SIGLEC1: variants seen among roughly 807,000 people sequenced by gnomAD.
The protein encoded by SIGLEC1 is sialoadhesin.
A neutral mutation model predicts 148.0 loss-of-function variants in SIGLEC1; 132 were observed. The ratio of observed to expected loss-of-function variants is 0.89; its 90% CI spans 0.77 to 1.03. The LOEUF (loss-of-function observed/expected upper bound fraction) is 1.03. Among genes scored for constraint, SIGLEC1 ranks in the 50% least tolerant of loss-of-function variants. The pLI, the probability that SIGLEC1 is intolerant of heterozygous loss-of-function variation, is 0.00. For missense variants in SIGLEC1, 2,253 were observed against 2,271.4 expected, an observed-to-expected ratio of 0.99 and a Z score of 0.16; for synonymous variants, 945 against 969.0, an observed-to-expected ratio of 0.98 and a Z score of 0.46.
rs750456237 is a variant in SIGLEC1, at chr20:3,697,128, CTCAG to C, written c.2333_2336del (p.Thr778ArgfsTer12). ...CGGGAGTGGAGAGCTGGGCACCAGCCTCAGTCAGGATGCGGCAGGCGTAAAGGGC... is the reference window on the plus strand; with the variant it reads ...CGGGAGTGGAGAGCTGGGCACCAGCCTCAGGATGCGGCAGGCGTAAAGGGC... On this transcript the variant is annotated frameshift_variant, in exon 10 of 22. Transcript: ENST00000344754. LOFTEE classifies it high-confidence loss of function. The C allele has an allele frequency of 4.0e-5, 64 of 1,613,540 alleles. No individual in the cohort carries two copies. Among genetic ancestry groups the C allele is most frequent in the Non-Finnish European group, 5.3e-5 (62 of 1,180,028 alleles).
chr20:3,697,917 GC>G lies in SIGLEC1; in HGVS notation c.2002del (p.Ala668ProfsTer60). The G allele has an allele frequency of 6.2e-7, 1 of 1,613,048 alleles. No individual in the cohort carries two copies. On this transcript the variant is annotated frameshift_variant, in exon 9 of 22. Transcript: ENST00000344754. LOFTEE classifies it high-confidence loss of function. Reference sequence around the variant, plus strand: ...AATCTCCACACGCAGCAAGTTGGGGGCTTTGGTGACCTTCATGCGTGGGGAA... The same window carrying G: ...AATCTCCACACGCAGCAAGTTGGGGGTTTGGTGACCTTCATGCGTGGGGAA... ...GCSPRMKVTK[A>X]PNLLRVEIHN...
intron 8 of SIGLEC1, 90 bp from the exon 9 acceptor site, chr20:3,698,223 G>T: frequency 8.4e-7 from 1 of 1,189,678 alleles, no homozygotes; most frequent in Non-Finnish European, 1.2e-6. Context: ...CTGGACAAAG[G>T]CAGATCCCGA....
chr20:3,694,104 T>A, intron 13 of SIGLEC1, 117 bp downstream of exon 13: 2 of 1,125,672 alleles, frequency 1.8e-6, no homozygotes, highest in Non-Finnish European at 2.5e-6. Flanking sequence ...TTAGGAAGGG[T>A]GGGAATGGGG....
chr20:3,698,011 G>C lies in SIGLEC1; in HGVS notation c.1909C>G (p.Leu637Val). ...DSDPPARLQL[L>V]HKDRVVATSL... is the part of the protein sequence containing the mutation. ...GTGGCCACAACACGGTCCTTGTGGA[G>C]CAGCTGCAGCCTGGCGGGGGGGTCG... Residue 637 changes from leucine (L) to valine (V), a missense_variant, in exon 9 of 22, where the codon CTC becomes GTC. By Grantham distance (32) the Leu-to-Val change is conservative. Transcript: ENST00000344754. The C allele has an allele frequency of 6.2e-7, 1 of 1,610,534 alleles. No homozygotes were observed. Among genetic ancestry groups the C allele is most frequent in the African/African-American group, 1.3e-5 (1 of 74,958 alleles).
At position 3,707,197 on chromosome 20, in the gene SIGLEC1, G is replaced by A; in HGVS notation, c.-69C>T. The stretch of plus-strand genomic sequence containing the variant: ...CACTGCGCTGGCTGGGCTCACAGGG[G>A]CCTCCAGGGACACCTCTGGGCACTT... On this transcript the variant is annotated 5_prime_UTR_variant, in exon 2 of 22. Transcript: ENST00000344754. 1.4e-6 allele frequency: 2 copies of A among 1,455,454 alleles called. No individual in the cohort carries two copies. The highest frequency in any genetic ancestry group is 2.3e-5 in the East Asian group (1 of 43,532). 90.2% of individuals were successfully genotyped at this position (1,455,454 alleles called of 1,614,324 possible). A position where few individuals can be genotyped will look rare whatever the true frequency, so the allele number is the denominator to read the frequency against.
intron 6 of SIGLEC1, 27 bp from the exon 7 acceptor site, chr20:3,701,668 T>C: frequency 6.5e-7 from 1 of 1,528,814 alleles, no homozygotes; most frequent in Non-Finnish European, 8.8e-7. Context: ...GGTGGGCCTG[T>C]CACCCTCAGA....
At chr20:3,691,188 G>A in intron 18 of SIGLEC1, 152 bp downstream of exon 18, 2 of 884,338 alleles carry the variant, frequency 2.3e-6, no homozygotes, top group Non-Finnish European at 3.5e-6. Context: ...ATTTTACAAG[G>A]TCACCCAACC....
chr20:3,706,527 TG>T lies in SIGLEC1; in HGVS notation c.228del (p.Lys77SerfsTer26), dbSNP rs1178469440. 3 of 1,613,020 alleles carry T rather than the reference TG, an allele frequency of 1.9e-6. No individual in the cohort carries two copies. The Admixed American group carries it at 5.0e-5, about 27-fold the overall frequency. On this transcript the variant is annotated frameshift_variant, in exon 3 of 22. Coordinates refer to ENST00000344754, the MANE Select transcript of SIGLEC1 (RefSeq NM_023068.4). LOFTEE classifies it high-confidence loss of function. ...CCGCGGAAGCGGGCCTCCACCAGCT[TG>T]GGGTCCGCCGAGTGGCTCACCACCT... The part of the protein sequence containing the change: ...QRQVVSHSAD[P>X]KLVEARFRGR...
rs1461241465 is a variant in SIGLEC1 at position 3,687,434 on chromosome 20, G to C, written c.*1126C>G. On this transcript the variant is annotated 3_prime_UTR_variant, in exon 22 of 22. Transcript: ENST00000344754. ...CTGTGTCTGCCCTCCACTCTTGTAA[G>C]GGCCAGTAAGGTAGTACCCAGTCCC... 2 of 152,256 alleles carry C rather than the reference G, an allele frequency of 1.3e-5. No individual in the cohort carries two copies. The highest frequency in any genetic ancestry group is 3.9e-4 in the East Asian group (2 of 5,194). 9.4% of individuals were successfully genotyped at this position (152,256 alleles called of 1,614,324 possible).
chr20:3,694,185 A>G (rs760623206), intron 13 of SIGLEC1, 36 bp downstream of exon 13: 6 of 1,449,028 alleles, frequency 4.1e-6, no homozygotes, highest in Non-Finnish European at 5.5e-6. Context: ...ACACACACAC[A>G]CACACACACA....
rs148857283 is a variant in SIGLEC1 at position 3,690,173 on chromosome 20, G to T, written c.4683C>A (p.Leu1561=). 4 of 1,580,356 alleles carry T rather than the reference G, an allele frequency of 2.5e-6. No homozygotes were observed. Among genetic ancestry groups the T allele is most frequent in the Non-Finnish European group, 3.4e-6 (4 of 1,164,150 alleles). The part of the protein sequence containing the change: ...ILDCRVDSEP[L]ASLTLHLGSR... The stretch of plus-strand genomic sequence containing the variant: ...TGCCAAGGTGGAGAGTCAGGCTGGC[G>T]AGCGGCTCGCTGTCCACTCGGCAAT... The change falls in exon 19 of 22, where the codon CTC becomes CTA. Residue 1561 remains leucine (L), a synonymous_variant. Coordinates refer to ENST00000344754, the MANE Select transcript of SIGLEC1 (RefSeq NM_023068.4).
Position 3,693,572 on chromosome 20 carries a change from C to A in SIGLEC1, c.3383G>T (p.Arg1128Leu), listed in dbSNP as rs149852645. ...TYTWYQDGQQ[R>L]LDAHSIPLPN... is the part of the protein sequence containing the mutation. Reference sequence around the variant, plus strand: ...CAGGGGGATGGAGTGGGCATCCAGGCGCTGCTGCCCATCCTGGTACCATGT... The same window carrying A: ...CAGGGGGATGGAGTGGGCATCCAGGAGCTGCTGCCCATCCTGGTACCATGT... Residue 1128 changes from arginine to leucine, a missense_variant, in exon 14 of 22, where the codon CGC becomes CTC. Arg to Leu is a moderately radical substitution (Grantham distance 102, BLOSUM62 -2). Transcript: ENST00000344754. 6.2e-7 allele frequency: 1 copy of A among 1,612,592 alleles called. No homozygotes were observed. The highest frequency in any genetic ancestry group is 8.5e-7 in the Non-Finnish European group (1 of 1,179,486).
At chr20:3,708,955 G>A (rs1438565961) in intron 1 of SIGLEC1, among the ~76,000 whole-genome samples, 1 of 143,230 alleles carries the variant, frequency 7.0e-6, no homozygotes, top group Non-Finnish European at 1.5e-5. Context: ...TGAGGCAGGA[G>A]AATCACCTGA....
At chr20:3,696,535 T>C in intron 11 of SIGLEC1, 51 bp downstream of exon 11, 1 of 1,514,410 alleles carries the variant, frequency 6.6e-7, no homozygotes, top group East Asian at 2.3e-5. Flanking sequence ...CTGACCAGAG[T>C]AGTCCCCAGG....
chr20:3,692,885 G>A lies in SIGLEC1; in HGVS notation c.3755C>T (p.Thr1252Met), dbSNP rs746684575. Residue 1252 changes from threonine to methionine, a missense_variant, in exon 15 of 22, where the codon ACG becomes ATG. Physicochemically the swap from Thr to Met is moderately conservative, Grantham distance 81 (BLOSUM62 -1). Coordinates refer to ENST00000344754, the MANE Select transcript of SIGLEC1 (RefSeq NM_023068.4). ...ACCCTCCAGCCGCAGCTCCAGGGAC[G>A]TGTTGGCCTGGCCCAGAGGGCTGCG... Reference protein sequence around the residue: ...SARSPLGQANTSLELRLEGVR... With the variant: ...SARSPLGQANMSLELRLEGVR... 2.0e-5 allele frequency: 33 copies of A among 1,611,080 alleles called. No homozygotes were observed. The highest frequency in any genetic ancestry group is 1.6e-4 in the Middle Eastern group (1 of 6,082).
Position 3,705,769 on chromosome 20 carries a change from C to A in SIGLEC1, c.681G>T (p.Gln227His). The change falls in exon 4 of 22, where the codon CAG (glutamine) becomes CAT (histidine). Residue 227 changes from glutamine to histidine, a missense_variant. Transcript: ENST00000344754. ...ACTTCACTTGGAGGTGAATCTCGCT[C>A]TGAGCCCTGTGATTGGCCACGGAGA... Reference protein sequence around the residue: ...CQLSVANHRAQSEIHLQVKYA... With the variant: ...CQLSVANHRAHSEIHLQVKYA... 6.2e-7 allele frequency: 1 copy of A among 1,612,264 alleles called. No homozygotes were observed. The highest frequency in any genetic ancestry group is 1.1e-5 in the South Asian group (1 of 90,964).
intron 11 of SIGLEC1, among the ~76,000 whole-genome samples, chr20:3,695,801 T>A (rs2088815095): frequency 7.2e-6 from 1 of 138,468 alleles, no homozygotes; most frequent in Admixed American, 7.6e-5. Context: ...TTTTTCCTGG[T>A]TTATTTGTTT....
rs1378436817 is a variant in SIGLEC1, at chr20:3,704,001, C to G, written c.797G>C (p.Ser266Thr). The G allele has an allele frequency of 1.2e-6, 2 of 1,612,828 alleles. No homozygotes were observed. Among genetic ancestry groups the G allele is most frequent in the East Asian group, 2.2e-5 (1 of 44,852 alleles). The change falls in exon 5 of 22, where the codon AGC becomes ACC. Residue 266 changes from serine (S) to threonine (T), a missense_variant. Ser to Thr is a moderately conservative substitution (Grantham distance 58). Transcript: ENST00000344754. ...ELVTLTCQVN[S>T]SYPAVSSIKW... The stretch of plus-strand genomic sequence containing the variant: ...AATGGAACTGACTGCAGGGTAGCTG[C>G]TGTTCACCTGGCAGGTGAGTGTGAC...
intron 8 of SIGLEC1, 27 bp from the exon 9 acceptor site, chr20:3,698,160 C>T (rs1409442122): frequency 5.8e-6 from 9 of 1,539,780 alleles, no homozygotes; most frequent in African/African-American, 1.4e-5. Context: ...CATGGGCACT[C>T]ATCCCACGGA....
Sources: allele counts gnomAD v4.1 joint callset (sites outside exome capture counted in the v4.1 genomes callset), GRCh38; gene constraint gnomAD v4.1.1; transcripts MANE v1.5; gene names NCBI Gene and HGNC (gene_info 2026-07-23, HGNC 2026-07-21).